INPP5D: variants seen among roughly 807,000 people sequenced by gnomAD.
INPP5D encodes inositol polyphosphate-5-phosphatase D, also known as phosphatidylinositol 3,4,5-trisphosphate 5-phosphatase 1.
Under a neutral mutation model 122.9 loss-of-function variants are expected in INPP5D, and 33 were observed. The ratio of observed to expected loss-of-function variants is 0.27; its 90% CI spans 0.20 to 0.36. The LOEUF (loss-of-function observed/expected upper bound fraction) is 0.36. Ranked by LOEUF, INPP5D falls within the 10% of genes least tolerant of loss-of-function variation. INPP5D has a pLI of 1.00. For synonymous variants in INPP5D, 584 were observed against 576.2 expected (o/e 1.01, Z -0.19); for missense variants, 1,053 against 1,412.7 (o/e 0.75, Z 4.08).
At chr2:233,113,906 CTTT>C (rs778997649) in intron 2 of INPP5D, among the ~76,000 whole-genome samples, 2 of 127,714 alleles carry the variant, frequency 1.6e-5, no homozygotes, top group Non-Finnish European at 1.6e-5. Flanking sequence ...CCAAACCACT[CTTT>C]TTTTTTTTTT....
At chr2:233,142,938 C>T (rs1407203839) in intron 6 of INPP5D, among the ~76,000 whole-genome samples, 2 of 152,106 alleles carry the variant, frequency 1.3e-5, no homozygotes, top group East Asian at 3.9e-4. Flanking sequence ...CATGAGATGC[C>T]ATTAGCATCC....
At chr2:233,151,022 A>T (rs573493170) in intron 9 of INPP5D, among the ~76,000 whole-genome samples, 42 of 152,272 alleles carry the variant, frequency 2.8e-4, no homozygotes, top group African/African-American at 1.0e-3. Context: ...GCCGCTGGGC[A>T]CGCCATCCTA....
At chr2:233,195,573 G>A (rs937760866) in intron 24 of INPP5D, 78 bp downstream of exon 24, 3 of 1,596,528 alleles carry the variant, frequency 1.9e-6, no homozygotes, top group African/African-American at 1.3e-5. Flanking sequence ...TTGGCCGGGT[G>A]CGATGGTTCA....
At chr2:233,127,539 T>C (rs1471928114) in intron 4 of INPP5D, among the ~76,000 whole-genome samples, 1 of 152,258 alleles carries the variant, frequency 6.6e-6, no homozygotes, top group Non-Finnish European at 1.5e-5. Context: ...AGGTTAATTA[T>C]CACATTTCTA....
chr2:233,114,270 C>T (rs948020327), intron 2 of INPP5D, among the ~76,000 whole-genome samples: 1 of 152,256 alleles, frequency 6.6e-6, no homozygotes, highest in Non-Finnish European at 1.5e-5. Flanking sequence ...CCAAGACACC[C>T]ATGCTCTGAC....
At chr2:233,157,646 T>TTG (rs1261513680) in intron 9 of INPP5D, among the ~76,000 whole-genome samples, 1 of 93,722 alleles carries the variant, frequency 1.1e-5, no homozygotes, top group East Asian at 3.2e-4. Flanking sequence ...GGGGAGCAGG[T>TTG]TGTGTGTGTG....
rs770566453 is a variant in INPP5D at position 233,170,200 on chromosome 2, G to C, written c.1791+36G>C. On this transcript the variant is annotated intron_variant, in intron 15 of 26. Coordinates refer to ENST00000445964, the MANE Select transcript of INPP5D (RefSeq NM_001017915.3). This position sits in a 1 kb window ranked among gnomAD's most constrained non-coding sequence, Gnocchi z 4.5. The stretch of plus-strand genomic sequence containing the variant: ...CCCGCCTGGGGCTGGGGCTGGGGCT[G>C]TATGAGATGGAGGCTCCCTTGAGTC... 2 of 1,603,000 alleles carry C rather than the reference G, an allele frequency of 1.2e-6. No homozygotes were observed. Among genetic ancestry groups the C allele is most frequent in the African/African-American group, 1.3e-5 (1 of 74,864 alleles).
chr2:233,139,223 G>T (rs1402384185), intron 5 of INPP5D, among the ~76,000 whole-genome samples: 3 of 152,146 alleles, frequency 2.0e-5, no homozygotes, highest in African/African-American at 7.2e-5. Flanking sequence ...ACTCAAAATT[G>T]TCTGCCCCAC....
intron 1 of INPP5D, among the ~76,000 whole-genome samples, chr2:233,073,491 T>G (rs1691436143): frequency 1.3e-5 from 2 of 151,870 alleles, no homozygotes; most frequent in Admixed American, 6.6e-5. Context: ...AGTACAAACA[T>G]TAGCCGAACA....
chr2:233,083,520 C>T (rs541384165), intron 2 of INPP5D, among the ~76,000 whole-genome samples: 74 of 152,294 alleles, frequency 4.9e-4, no homozygotes, highest in African/African-American at 7.2e-4. Context: ...GAAGGCAGAA[C>T]GGCTCAGCCC....
intron 17 of INPP5D, among the ~76,000 whole-genome samples, chr2:233,173,096 C>T (rs113167115): frequency 0.041 from 6,256 of 151,932 alleles, 194 homozygotes; most frequent in East Asian, 0.18. Flanking sequence ...GTAACCCCAG[C>T]TACTCGGGAG....
At chr2:233,110,154 C>A (rs140608114) in intron 2 of INPP5D, among the ~76,000 whole-genome samples, 2,582 of 151,086 alleles carry the variant, frequency 0.017, 60 homozygotes, top group African/African-American at 0.055. Context: ...CAGGTTCAAG[C>A]GATTCTCATG....
chr2:233,186,065 T>C (rs1694905652), intron 21 of INPP5D, 140 bp downstream of exon 21: 2 of 1,252,506 alleles, frequency 1.6e-6, no homozygotes, highest in Non-Finnish European at 2.1e-6. Context: ...AGACCCACTC[T>C]AGGAGCAAGC....
At chr2:233,101,312 G>A (rs1478299198) in intron 2 of INPP5D, among the ~76,000 whole-genome samples, 1 of 152,056 alleles carries the variant, frequency 6.6e-6, no homozygotes, top group East Asian at 1.9e-4. Context: ...ATTTGAGCCT[G>A]TAGGAGCCAG....
At position 233,080,430 on chromosome 2, in the gene INPP5D, G is replaced by GGT. The variant is rs5839469; in HGVS notation, c.198+1056_198+1057dup. Among the ~76,000 whole-genome samples, 996 of 148,588 alleles carry GGT rather than the reference G, an allele frequency of 6.7e-3. 7 individuals carry two copies. The highest frequency in any genetic ancestry group is 0.021 in the East Asian group (105 of 4,998). On this transcript the variant is annotated intron_variant, in intron 2 of 26. Coordinates refer to ENST00000445964, the MANE Select transcript of INPP5D (RefSeq NM_001017915.3). ...AAGGAGACAAAGTTTCCACATCCCG[G>GGT]GTGTGTGTGTGTGTGTGTGTGTGTG...
rs758404644 is a variant in INPP5D, at chr2:233,204,330, C to T, written c.3180C>T (p.Ile1060=). Residue 1060 remains isoleucine (I), a synonymous_variant, in exon 26 of 27, where the codon ATC becomes ATT. Coordinates refer to ENST00000445964, the MANE Select transcript of INPP5D (RefSeq NM_001017915.3). The part of the protein sequence containing the change: ...CPEPGILSPS[I]VLTKAQEADR... The stretch of plus-strand genomic sequence containing the variant: ...AACCCGGCATCTTGTCGCCCAGCAT[C>T]GTGCTCACCAAAGCCCAGGAGGCTG... 3.7e-6 allele frequency: 6 copies of T among 1,611,402 alleles called. No individual in the cohort carries two copies. The highest frequency in any genetic ancestry group is 3.3e-5 in the South Asian group (3 of 90,834).
chr2:233,141,070 C>G (rs1376415056), intron 6 of INPP5D: 1 of 152,088 alleles, frequency 6.6e-6, no homozygotes, highest in Non-Finnish European at 1.5e-5. Context: ...TGAGTCAGGA[C>G]TTGGCTAGGA....
chr2:233,127,838 C>T (rs982631609), intron 4 of INPP5D, among the ~76,000 whole-genome samples: 1 of 152,204 alleles, frequency 6.6e-6, no homozygotes, highest in Non-Finnish European at 1.5e-5. Flanking sequence ...GAACTCCCAA[C>T]CTGAGGTGAT....
In INPP5D at chr2:233,193,961, G is replaced by C; in HGVS notation, c.2596G>C (p.Asp866His). The change falls in exon 23 of 27, where the codon GAC (aspartate) becomes CAC (histidine). Residue 866 changes from aspartate (D) to histidine (H), a missense_variant and splice_region_variant. By Grantham distance (81) the Asp-to-His change is moderately conservative (BLOSUM62 -1). Coordinates refer to ENST00000445964, the MANE Select transcript of INPP5D (RefSeq NM_001017915.3). ...GGGCAAGACGAGGGAGAAGCTCTAT[G>C]GTAAGCAGCAAGCCCCTCCCCAGCG... Reference protein sequence around the residue: ...SQGKTREKLYDFVKTERDESS... With the variant: ...SQGKTREKLYHFVKTERDESS... 6.3e-7 allele frequency: 1 copy of C among 1,596,314 alleles called. No homozygotes were observed. The highest frequency in any genetic ancestry group is 8.6e-7 in the Non-Finnish European group (1 of 1,168,038).
Sources: allele counts gnomAD v4.1 joint callset (sites outside exome capture counted in the v4.1 genomes callset), GRCh38; gene constraint gnomAD v4.1.1; non-coding constraint Gnocchi (gnomAD v3.1); transcripts MANE v1.5; gene names NCBI Gene and HGNC (gene_info 2026-07-23, HGNC 2026-07-21).